OLFM3: variants seen among roughly 807,000 people sequenced by gnomAD.
The protein encoded by OLFM3 is olfactomedin 3, also known as noelin-3.
A neutral mutation model predicts 48.6 loss-of-function variants in OLFM3; 20 were observed. The ratio of observed to expected loss-of-function variants is 0.41; its 90% CI spans 0.29 to 0.60. The LOEUF (loss-of-function observed/expected upper bound fraction) is 0.60. Among genes scored for constraint, OLFM3 ranks in the 20% least tolerant of loss-of-function variants. The probability of loss-of-function intolerance (pLI) is 0.28; values close to 1 mark genes in which losing one functional copy is unlikely to be tolerated. For synonymous variants in OLFM3, 222 were observed against 198.1 expected (o/e 1.12, Z -1.01); for missense variants, 437 against 544.3 (o/e 0.80, Z 1.96).
chr1:101,903,553 A>G (rs1446430724), intron 1 of OLFM3, among the ~76,000 whole-genome samples: 5 of 152,088 alleles, frequency 3.3e-5, no homozygotes, highest in Non-Finnish European at 5.9e-5. Flanking sequence ...TGTAAGGCTT[A>G]TAATATTGAC....
At chr1:101,834,003 A>G (rs1368920183) in intron 2 of OLFM3, among the ~76,000 whole-genome samples, 2 of 152,274 alleles carry the variant, frequency 1.3e-5, no homozygotes, top group East Asian at 1.9e-4. Context: ...GGGAAGCTAC[A>G]TAGTTAACAA....
Position 101,836,953 on chromosome 1 carries a change from T to G in OLFM3, c.142A>C (p.Thr48Pro), listed in dbSNP as rs764207517. The change falls in exon 2 of 6, where the codon ACA becomes CCA. Residue 48 changes from threonine (T) to proline (P), a missense_variant. Thr to Pro is a conservative substitution (Grantham distance 38). Coordinates refer to ENST00000370103, the MANE Select transcript of OLFM3 (RefSeq NM_058170.4). ...AGGTTTTGTTCTGGAGCAACAACTG[T>G]GCAAATGCACCGCCCATCAGGATCC... ...AQDPDGRCIC[T>P]VVAPEQNLCS... is the part of the protein sequence containing the mutation. The G allele has an allele frequency of 6.2e-7, 1 of 1,614,148 alleles. No homozygotes were observed. The highest frequency in any genetic ancestry group is 8.5e-7 in the Non-Finnish European group (1 of 1,180,008).
At chr1:101,842,725 C>G (rs1042982746) in intron 1 of OLFM3, among the ~76,000 whole-genome samples, 7 of 152,194 alleles carry the variant, frequency 4.6e-5, no homozygotes, top group Non-Finnish European at 1.0e-4. Context: ...AGGGATTTCA[C>G]TGCTTTACAG....
chr1:101,816,732 T>G (rs145222122), intron 4 of OLFM3, among the ~76,000 whole-genome samples: 1 of 152,272 alleles, frequency 6.6e-6, no homozygotes, highest in African/African-American at 2.4e-5. Context: ...ATTGAATAGA[T>G]AGTGGATCAA....
At chr1:101,902,108 G>A (rs373096510) in intron 1 of OLFM3, among the ~76,000 whole-genome samples, 1 of 151,806 alleles carries the variant, frequency 6.6e-6, no homozygotes, top group Non-Finnish European at 1.5e-5. Context: ...ATATAGAAAA[G>A]GAATAAATTT....
intron 1 of OLFM3, among the ~76,000 whole-genome samples, chr1:101,937,582 T>C (rs2101055307): frequency 6.6e-6 from 1 of 152,314 alleles, no homozygotes. Context: ...ATTTGTCTGC[T>C]GCCATGCATG....
At chr1:101,922,216 T>G (rs913431869) in intron 1 of OLFM3, among the ~76,000 whole-genome samples, 1 of 152,240 alleles carries the variant, frequency 6.6e-6, no homozygotes, top group Admixed American at 6.5e-5. Flanking sequence ...TTCTTCATCT[T>G]TAATACTAAC....
chr1:101,842,057 G>GGAGGA (rs1655746815), intron 1 of OLFM3, among the ~76,000 whole-genome samples: 1 of 152,170 alleles, frequency 6.6e-6, no homozygotes, highest in African/African-American at 2.4e-5. Flanking sequence ...AAAAGAAGCT[G>GGAGGA]TGTTCTGGAG....
intron 1 of OLFM3, among the ~76,000 whole-genome samples, chr1:101,839,472 G>A (rs1009265798): frequency 1.3e-5 from 2 of 152,192 alleles, no homozygotes; most frequent in Admixed American, 6.5e-5. Flanking sequence ...CATAAGCCCT[G>A]CAGTTTTAGC....
intron 1 of OLFM3, among the ~76,000 whole-genome samples, chr1:101,929,987 T>A (rs1659397665): frequency 6.6e-6 from 1 of 152,078 alleles, no homozygotes; most frequent in African/African-American, 2.4e-5. Context: ...AGGGTAGTAT[T>A]TGTGCAGAAA....
At chr1:101,986,496 T>C (rs542042126) in intron 1 of OLFM3, among the ~76,000 whole-genome samples, 1 of 152,332 alleles carries the variant, frequency 6.6e-6, no homozygotes, top group South Asian at 2.1e-4. Flanking sequence ...CTTTTCAATA[T>C]CCTATTTAGT....
At chr1:101,954,064 TGTA>T (rs1660221099) in intron 1 of OLFM3, among the ~76,000 whole-genome samples, 1 of 152,140 alleles carries the variant, frequency 6.6e-6, no homozygotes, top group Non-Finnish European at 1.5e-5. Context: ...GGAGTTTACT[TGTA>T]GTATAGATTC....
intron 1 of OLFM3, among the ~76,000 whole-genome samples, chr1:101,960,749 C>T (rs1028522737): frequency 1.4e-4 from 22 of 152,228 alleles, no homozygotes; most frequent in Non-Finnish European, 2.9e-4. Context: ...ATCTCAACCC[C>T]TCTACAGACA....
At chr1:101,899,280 G>A (rs1489837503) in intron 1 of OLFM3, among the ~76,000 whole-genome samples, 5 of 152,186 alleles carry the variant, frequency 3.3e-5, no homozygotes, top group Non-Finnish European at 7.3e-5. Flanking sequence ...TTGGCCAGAG[G>A]CTGCCCTTAG....
At chr1:101,968,523 T>C (rs900620668) in intron 1 of OLFM3, among the ~76,000 whole-genome samples, 3 of 123,362 alleles carry the variant, frequency 2.4e-5, no homozygotes, top group Non-Finnish European at 5.0e-5. Context: ...ACTTCCTCTC[T>C]TTTTGTTCTG....
At position 101,923,526 on chromosome 1, in the gene OLFM3, C is replaced by T. The variant is rs546244015; in HGVS notation, c.69+73222G>A. On this transcript the variant is annotated intron_variant, in intron 1 of 5. Transcript: ENST00000370103. ...TCTTGCTAGTGGAGTAATTAAAGCA[C>T]GGGTAAAATCTGTTTAAAGTTTAAT... Among the ~76,000 whole-genome samples the T allele has an allele frequency of 9.0e-4, 137 of 152,108 alleles. 1 individual carries two copies. Among genetic ancestry groups the T allele is most frequent in the East Asian group, 1.5e-3 (8 of 5,168 alleles).
intron 1 of OLFM3, among the ~76,000 whole-genome samples, chr1:101,977,290 T>C (rs1261790448): frequency 1.3e-5 from 2 of 152,208 alleles, no homozygotes; most frequent in East Asian, 3.8e-4. Flanking sequence ...AATTAATTTT[T>C]GAGTTTTTGG....
intron 2 of OLFM3, among the ~76,000 whole-genome samples, chr1:101,832,653 G>A (rs1259366075): frequency 4.6e-5 from 7 of 152,248 alleles, no homozygotes; most frequent in East Asian, 1.9e-4. Context: ...GACCTTACAC[G>A]GAACCAGGCA....
intron 1 of OLFM3, among the ~76,000 whole-genome samples, chr1:101,943,162 T>C (rs1000923736): frequency 1.3e-5 from 2 of 152,196 alleles, no homozygotes; most frequent in Non-Finnish European, 2.9e-5. Context: ...GTATTAATGT[T>C]CATAAAAATT....
Sources: allele counts gnomAD v4.1 joint callset (sites outside exome capture counted in the v4.1 genomes callset), GRCh38; gene constraint gnomAD v4.1.1; transcripts MANE v1.5; gene names NCBI Gene and HGNC (gene_info 2026-07-23, HGNC 2026-07-21).